The following ALKBH1 variants were observed in gnomAD, a reference collection of about 807,000 sequenced individuals.
ALKBH1 encodes the protein alkB homolog 1, histone H2A dioxygenase, also known as nucleic acid dioxygenase ALKBH1.
Under a neutral mutation model 36.6 loss-of-function variants are expected in ALKBH1, and 31 were observed. That is an observed-to-expected ratio of 0.85 (90% CI 0.64 to 1.14). The LOEUF is 1.14. Ranked by LOEUF, ALKBH1 falls within the 50% of genes most tolerant of loss-of-function variation. The pLI is 0.00. For synonymous variants in ALKBH1, 183 were observed against 186.6 expected, an observed-to-expected ratio of 0.98 and a Z score of 0.16; for missense variants, 490 against 497.3, an observed-to-expected ratio of 0.99 and a Z score of 0.14.
At position 77,679,959 on chromosome 14, in the gene ALKBH1, G is replaced by A. The variant is rs1595048482; in HGVS notation, c.467C>T (p.Ala156Val). The A allele has an allele frequency of 1.2e-6, 2 of 1,613,500 alleles. No individual in the cohort carries two copies. Among genetic ancestry groups the A allele is most frequent in the East Asian group, 2.2e-5 (1 of 44,876 alleles). The part of the protein sequence containing the change: ...QSKEFLRYKE[A>V]TKRRPRSLLE... ...TAAACTTCGGGGTCTCCGTTTAGTCGCTTCTTTATACCTGCAAAGATTGGT... is the reference window on the plus strand; with the variant it reads ...TAAACTTCGGGGTCTCCGTTTAGTCACTTCTTTATACCTGCAAAGATTGGT... The change falls in exon 4 of 6, where the codon GCG becomes GTG. Residue 156 changes from alanine (A) to valine (V), a missense_variant. Transcript: ENST00000216489.
At chr14:77,702,214 T>C (rs1401814730) in intron 2 of ALKBH1, among the ~76,000 whole-genome samples, 6 of 152,086 alleles carry the variant, frequency 3.9e-5, no homozygotes, top group Middle Eastern at 6.8e-3. Context: ...GAGAGGAGAA[T>C]TGCTTGAACC....
At chr14:77,680,677 C>T (rs1183672868) in intron 3 of ALKBH1, among the ~76,000 whole-genome samples, 12 of 124,346 alleles carry the variant, frequency 9.7e-5, no homozygotes, top group South Asian at 2.5e-4. Context: ...ATTAACTACT[C>T]TTTTTTTTTT....
intron 3 of ALKBH1, among the ~76,000 whole-genome samples, chr14:77,688,810 G>A (rs2080282641): frequency 6.6e-6 from 1 of 152,068 alleles, no homozygotes; most frequent in Non-Finnish European, 1.5e-5. Context: ...GACCTCAGGT[G>A]ATCCCCCCAC....
chr14:77,673,741 C>A lies in ALKBH1; in HGVS notation c.*71G>T, dbSNP rs1470965079. The A allele has an allele frequency of 1.3e-5, 19 of 1,478,666 alleles. No individual in the cohort carries two copies. The highest frequency in any genetic ancestry group is 5.9e-5 in the Admixed American group (3 of 51,094). The allele number at this position is 1,478,666 out of a possible 1,614,324, so 91.6% of individuals were successfully genotyped here. ...TGGCTTGTCTGGGTGCTGAAGTCCA[C>A]GGCAATACACAATAACATGATCATT... On this transcript the variant is annotated 3_prime_UTR_variant, in exon 6 of 6. Coordinates refer to ENST00000216489, the MANE Select transcript of ALKBH1 (RefSeq NM_006020.3).
intron 2 of ALKBH1, among the ~76,000 whole-genome samples, chr14:77,699,972 A>G (rs1037775206): frequency 4.6e-5 from 7 of 152,010 alleles, no homozygotes; most frequent in East Asian, 3.9e-4. Flanking sequence ...GGAGAATGGC[A>G]TGAACCCGGG....
intron 3 of ALKBH1, among the ~76,000 whole-genome samples, chr14:77,680,715 T>C (rs1027643976): frequency 6.6e-6 from 1 of 150,862 alleles, no homozygotes; most frequent in Non-Finnish European, 1.5e-5. Flanking sequence ...GTTTCGCTCT[T>C]GTTGCCCAGG....
Position 77,707,938 on chromosome 14 carries a change from AGGCGTCCTC to A in ALKBH1, c.58_66del (p.Glu20_Ala22del). 6.2e-7 allele frequency: 1 copy of A among 1,613,314 alleles called. No individual in the cohort carries two copies. The highest frequency in any genetic ancestry group is 8.5e-7 in the Non-Finnish European group (1 of 1,179,966). On this transcript the variant is annotated inframe_deletion, in exon 1 of 6. Transcript: ENST00000216489. ...CGGTAGAAGCGGAAAAGTTTCCGAA[AGGCGTCCTC>A]CCCGGGCTCAGTCGCCAGAGTCGCC...
intron 3 of ALKBH1, chr14:77,691,943 T>C (rs1169522574): frequency 6.6e-6 from 1 of 152,200 alleles, no homozygotes; most frequent in African/African-American, 2.4e-5. Context: ...TAAAAGCTCA[T>C]GGACAGGATT....
chr14:77,684,977 A>G (rs773612800), intron 3 of ALKBH1, among the ~76,000 whole-genome samples: 34 of 152,270 alleles, frequency 2.2e-4, no homozygotes, highest in Non-Finnish European at 4.1e-4. Context: ...TGGCCGCAAC[A>G]AACTGCTTTT....
intron 3 of ALKBH1, among the ~76,000 whole-genome samples, chr14:77,680,880 T>C (rs2080234068): frequency 6.6e-6 from 1 of 152,012 alleles, no homozygotes; most frequent in Admixed American, 6.6e-5. Context: ...AGTTTCTCCA[T>C]ATTGAGGCTG....
chr14:77,703,414 G>A (rs1173116565), intron 2 of ALKBH1, among the ~76,000 whole-genome samples: 3 of 150,764 alleles, frequency 2.0e-5, no homozygotes, highest in African/African-American at 7.3e-5. Flanking sequence ...ACCTCAGCCT[G>A]CCGAGTAGCT....
chr14:77,676,889 C>A (rs192703220), intron 4 of ALKBH1, among the ~76,000 whole-genome samples: 112 of 152,232 alleles, frequency 7.4e-4, no homozygotes, highest in African/African-American at 2.6e-3. Context: ...CTCAAAACAT[C>A]GGAACTAACT....
chr14:77,703,402 C>T (rs554998993), intron 2 of ALKBH1, among the ~76,000 whole-genome samples: 1 of 151,812 alleles, frequency 6.6e-6, no homozygotes, highest in South Asian at 2.1e-4. Flanking sequence ...TGCCATTCTC[C>T]CACCTCAGCC....
At chr14:77,695,405 C>G (rs758658390) in intron 2 of ALKBH1, among the ~76,000 whole-genome samples, 2 of 152,168 alleles carry the variant, frequency 1.3e-5, no homozygotes, top group African/African-American at 2.4e-5. Context: ...GAGACCCTGC[C>G]AGCTACATTT....
chr14:77,705,411 G>A (rs1312047846), intron 1 of ALKBH1, among the ~76,000 whole-genome samples: 331 of 113,212 alleles, frequency 2.9e-3, no homozygotes, highest in African/African-American at 4.8e-3. Context: ...CTCCGTCTAA[G>A]AAAAAAAAAA....
At chr14:77,683,963 TCTC>T (rs1362996750) in intron 3 of ALKBH1, 4 of 153,222 alleles carry the variant, frequency 2.6e-5, no homozygotes, top group East Asian at 1.9e-4. Context: ...ATCAGGTACT[TCTC>T]CTCTTTCCCT....
At position 77,674,191 on chromosome 14, in the gene ALKBH1, GCCTCATC is replaced by G. The variant is rs1268150402; in HGVS notation, c.784_790del (p.Asp262ProfsTer13). 6.2e-7 allele frequency: 1 copy of G among 1,613,356 alleles called. No homozygotes were observed. Among genetic ancestry groups the G allele is most frequent in the Non-Finnish European group, 8.5e-7 (1 of 1,179,680 alleles). The stretch of plus-strand genomic sequence containing the variant: ...ACTGTGCATAAACATGGCCGTGGGG[GCCTCATC>G]CCTTTGAAGACCACCCAGGAGAAAG... On this transcript the variant is annotated frameshift_variant, in exon 6 of 6. Transcript: ENST00000216489. LOFTEE classifies it high-confidence loss of function.
At chr14:77,687,466 G>A (rs1319787085) in intron 3 of ALKBH1, among the ~76,000 whole-genome samples, 1 of 151,044 alleles carries the variant, frequency 6.6e-6, no homozygotes, top group Non-Finnish European at 1.5e-5. Flanking sequence ...ACTTATGCAA[G>A]CTACCCTGCT....
chr14:77,702,926 G>A (rs979193583), intron 2 of ALKBH1, among the ~76,000 whole-genome samples: 1 of 152,086 alleles, frequency 6.6e-6, no homozygotes, highest in Admixed American at 6.5e-5. Context: ...AGACCGAGGC[G>A]GGTGGATCAC....
Sources: allele counts gnomAD v4.1 joint callset (sites outside exome capture counted in the v4.1 genomes callset), GRCh38; gene constraint gnomAD v4.1.1; transcripts MANE v1.5; gene names NCBI Gene and HGNC (gene_info 2026-07-23, HGNC 2026-07-21).